The following SYT10 variants were observed in gnomAD, a reference collection of about 807,000 sequenced individuals.
The protein encoded by SYT10 is synaptotagmin 10.
A neutral mutation model predicts 51.1 loss-of-function variants in SYT10; 31 were observed. That is an observed-to-expected ratio of 0.61 (90% CI 0.46 to 0.82). The LOEUF is 0.82. Ranked by LOEUF, SYT10 falls within the 40% of genes least tolerant of loss-of-function variation. The probability of loss-of-function intolerance (pLI) is 0.00; values close to 1 mark genes in which losing one functional copy is unlikely to be tolerated. For synonymous variants in SYT10, 233 were observed against 225.9 expected, an observed-to-expected ratio of 1.03 and a Z score of -0.28; for missense variants, 603 against 634.0, an observed-to-expected ratio of 0.95 and a Z score of 0.53.
chr12:33,379,577 AAAAG>A (rs1381115997), intron 6 of SYT10, among the ~76,000 whole-genome samples: 5 of 146,880 alleles, frequency 3.4e-5, no homozygotes, highest in African/African-American at 1.3e-4. Flanking sequence ...AAAAAAAAAA[AAAAG>A]AGACTTGCAA....
intron 1 of SYT10, among the ~76,000 whole-genome samples, chr12:33,430,060 C>T (rs1475016640): frequency 6.6e-6 from 1 of 152,162 alleles, no homozygotes; most frequent in Non-Finnish European, 1.5e-5. Flanking sequence ...CCTATCATAT[C>T]TGGAAAGATT....
intron 1 of SYT10, among the ~76,000 whole-genome samples, 157 bp downstream of exon 1, chr12:33,439,215 C>A (rs2138446631): frequency 6.6e-6 from 1 of 152,372 alleles, no homozygotes; most frequent in South Asian, 2.1e-4. Flanking sequence ...CCCTCGAAGT[C>A]GTCAGGAGCT....
intron 3 of SYT10, among the ~76,000 whole-genome samples, chr12:33,386,597 C>T (rs188181237): frequency 2.0e-5 from 3 of 152,084 alleles, no homozygotes; most frequent in Non-Finnish European, 2.9e-5. Flanking sequence ...GGGTCTTCTC[C>T]CATCATTCAT....
rs1866060513 is a variant in SYT10, at chr12:33,376,202, T to A, written c.*628A>T. The A allele has an allele frequency of 6.6e-6, 1 of 152,228 alleles. No homozygotes were observed. The highest frequency in any genetic ancestry group is 2.4e-5 in the African/African-American group (1 of 41,452). 9.4% of individuals were successfully genotyped at this position (152,228 alleles called of 1,614,324 possible). ...TTACTTCTTAAATTTATATTCAAAA[T>A]GATTCTTTAAATTTACAGCTTTGTC... On this transcript the variant is annotated 3_prime_UTR_variant, in exon 7 of 7. Transcript: ENST00000228567.
intron 6 of SYT10, among the ~76,000 whole-genome samples, chr12:33,377,686 G>A (rs183910318): frequency 2.1e-4 from 30 of 141,828 alleles, no homozygotes; most frequent in Admixed American, 2.1e-3. Context: ...GGAGTGTAGT[G>A]GTGAGATCTC....
intron 3 of SYT10, among the ~76,000 whole-genome samples, chr12:33,401,004 G>C (rs1866299428): frequency 6.6e-6 from 1 of 150,780 alleles, no homozygotes; most frequent in Non-Finnish European, 1.5e-5. Flanking sequence ...TCCAGCCTGA[G>C]GGATAGAGTG....
intron 5 of SYT10, among the ~76,000 whole-genome samples, chr12:33,381,059 C>A (rs1352384449): frequency 1.3e-5 from 2 of 152,078 alleles, no homozygotes; most frequent in Non-Finnish European, 2.9e-5. Flanking sequence ...GCCCCAGTGA[C>A]AAATGCTCAG....
intron 2 of SYT10, among the ~76,000 whole-genome samples, chr12:33,409,548 C>G (rs1177757036): frequency 6.6e-6 from 1 of 150,970 alleles, no homozygotes. Flanking sequence ...GAGTCTCACT[C>G]TGCCGCCCAG....
At position 33,439,248 on chromosome 12, in the gene SYT10, G is replaced by A. The variant is rs1866663353; in HGVS notation, c.151+124C>T. ...GCTGAGCGAAGGAAGGAGCGAGGTA[G>A]GAAAGCGTGGCGCCCCAAATATGCC... On this transcript the variant is annotated intron_variant, in intron 1 of 6. Transcript: ENST00000228567. The A allele has an allele frequency of 4.0e-5, 51 of 1,277,490 alleles. 2 individuals are homozygous for A. In the South Asian group the frequency reaches 6.8e-4, roughly 17 times the overall value. 79.1% of individuals were successfully genotyped at this position (1,277,490 alleles called of 1,614,324 possible). A position where few individuals can be genotyped will look rare whatever the true frequency, so the allele number is the denominator to read the frequency against.
At chr12:33,432,436 C>A (rs1866604943) in intron 1 of SYT10, 1 of 152,042 alleles carries the variant, frequency 6.6e-6, no homozygotes, top group Non-Finnish European at 1.5e-5. Context: ...CATAGCATCA[C>A]ATACATTTAA....
chr12:33,388,649 T>A (rs1866178390), intron 3 of SYT10, among the ~76,000 whole-genome samples: 2 of 152,174 alleles, frequency 1.3e-5, no homozygotes, highest in Admixed American at 6.5e-5. Flanking sequence ...ATCTTCAGAG[T>A]TCCTACTTGG....
intron 3 of SYT10, among the ~76,000 whole-genome samples, chr12:33,390,377 A>G (rs946782678): frequency 3.9e-5 from 6 of 152,210 alleles, no homozygotes; most frequent in Non-Finnish European, 8.8e-5. Flanking sequence ...TGTCATTTAT[A>G]CGATCTTCTG....
intron 4 of SYT10, 124 bp from the exon 5 acceptor site, chr12:33,382,644 A>AAAGGT: frequency 1.2e-6 from 1 of 815,356 alleles, no homozygotes; most frequent in South Asian, 3.9e-5. Context: ...CTTTAGTATT[A>AAAGGT]CCAATTTTAA....
Position 33,406,940 on chromosome 12 carries a change from A to C in SYT10, c.926T>G (p.Leu309Arg). 6.2e-7 allele frequency: 1 copy of C among 1,614,098 alleles called. No homozygotes were observed. Among genetic ancestry groups the C allele is most frequent in the Non-Finnish European group, 8.5e-7 (1 of 1,180,014 alleles). The change falls in exon 3 of 7, where the codon CTA (leucine) becomes CGA (arginine). Residue 309 changes from leucine to arginine, a missense_variant. By Grantham distance (102) the Leu-to-Arg change is moderately radical (BLOSUM62 -2). Coordinates refer to ENST00000228567, the MANE Select transcript of SYT10 (RefSeq NM_198992.4). ...ACTGAAATGTAGTTTTCGGTTGCTT[A>C]GTTGATCATATGCTACAGGAAATTG... Reference protein sequence around the residue: ...TFQFPVAYDQLSNRKLHFSVY... With the variant: ...TFQFPVAYDQRSNRKLHFSVY...
intron 2 of SYT10, among the ~76,000 whole-genome samples, chr12:33,423,642 A>G (rs1251954221): frequency 6.6e-6 from 1 of 152,202 alleles, no homozygotes; most frequent in African/African-American, 2.4e-5. Context: ...ATATTCATAT[A>G]CAATTCCAGA....
At chr12:33,414,410 C>T (rs887991490) in intron 2 of SYT10, among the ~76,000 whole-genome samples, 1 of 152,160 alleles carries the variant, frequency 6.6e-6, no homozygotes, top group Non-Finnish European at 1.5e-5. Flanking sequence ...TGCACTTATT[C>T]CAGAAATGAC....
intron 3 of SYT10, chr12:33,404,842 T>C (rs1408086188): frequency 6.6e-6 from 1 of 152,200 alleles, no homozygotes; most frequent in Non-Finnish European, 1.5e-5. Context: ...GTAATTTTTA[T>C]AGCAGAAATA....
chr12:33,397,882 A>G (rs1174410621), intron 3 of SYT10, among the ~76,000 whole-genome samples: 2 of 152,210 alleles, frequency 1.3e-5, no homozygotes, highest in South Asian at 2.1e-4. Flanking sequence ...GTATCAGTCA[A>G]TAAGAAAGCT....
chr12:33,387,737 CTTCT>C (rs1866168812), intron 3 of SYT10, among the ~76,000 whole-genome samples: 1 of 143,556 alleles, frequency 7.0e-6, no homozygotes, highest in African/African-American at 2.6e-5. Flanking sequence ...CCTTCTCTTC[CTTCT>C]AACATGTTTT....
Sources: gnomAD v4.1 joint callset for allele counts (sites outside exome capture counted in the v4.1 genomes callset) on GRCh38, gnomAD v4.1.1 for gene constraint, MANE v1.5 for transcripts, NCBI Gene and HGNC (gene_info 2026-07-23, HGNC 2026-07-21) for gene names.